The following CACNB2 variants were observed in gnomAD, a reference collection of about 807,000 sequenced individuals.
CACNB2 encodes the protein voltage-dependent L-type calcium channel subunit beta-2.
In CACNB2, 42 loss-of-function variants were observed where a neutral mutation model predicts 73.3. The observed-to-expected ratio is 0.57, with a 90% CI of 0.45 to 0.74. The LOEUF (loss-of-function observed/expected upper bound fraction) is 0.74. Among genes scored for constraint, CACNB2 ranks in the 30% least tolerant of loss-of-function variants. The pLI, the probability that CACNB2 is intolerant of heterozygous loss-of-function variation, is 0.00. For synonymous variants in CACNB2, 348 were observed against 310.3 expected (o/e 1.12, Z -1.28); for missense variants, 940 against 853.0 (o/e 1.10, Z -1.27).
At chr10:18,442,498 T>G (rs753320915) in intron 3 of CACNB2, among the ~76,000 whole-genome samples, 87 of 151,932 alleles carry the variant, frequency 5.7e-4, no homozygotes, top group Non-Finnish European at 1.1e-3. Flanking sequence ...TTACCTTTTT[T>G]TTGTTGTTGT....
At chr10:18,463,723 G>T (rs1303771484) in intron 3 of CACNB2, among the ~76,000 whole-genome samples, 2 of 151,932 alleles carry the variant, frequency 1.3e-5, no homozygotes, top group African/African-American at 4.8e-5. Flanking sequence ...GAGCCACCGT[G>T]CCTGGCCCCA....
intron 2 of CACNB2, among the ~76,000 whole-genome samples, chr10:18,329,943 C>T (rs752156020): frequency 1.3e-5 from 2 of 152,104 alleles, no homozygotes; most frequent in East Asian, 1.9e-4. Context: ...TGGTTTCAAG[C>T]GATTCTTCTG....
chr10:18,157,723 A>G (rs1247490398), intron 2 of CACNB2, among the ~76,000 whole-genome samples: 1 of 152,184 alleles, frequency 6.6e-6, no homozygotes, highest in African/African-American at 2.4e-5. Flanking sequence ...CTTATTGGTT[A>G]TGCTATACTT....
chr10:18,519,675 A>C (rs916145465), intron 9 of CACNB2: 1 of 455,476 alleles, frequency 2.2e-6, no homozygotes, highest in Non-Finnish European at 4.4e-6. Context: ...CATTGACCTC[A>C]TATTGCTCTA....
chr10:18,539,584 G>A lies in CACNB2; in HGVS notation c.1843G>A (p.Glu615Lys). Reference protein sequence around the residue: ...SRHRSRDVDREQDHNECNKQR... With the variant: ...SRHRSRDVDRKQDHNECNKQR... ...GCACCGTTCCCGGGACGTGGATCGA[G>A]AGCAGGACCACAACGAGTGCAACAA... Residue 615 changes from glutamate (E) to lysine (K), a missense_variant, in exon 14 of 14, where the codon GAG becomes AAG. Glu to Lys is a moderately conservative substitution (Grantham distance 56). Coordinates refer to ENST00000324631, the MANE Select transcript of CACNB2 (RefSeq NM_201596.3). The A allele has an allele frequency of 6.2e-7, 1 of 1,613,794 alleles. No individual in the cohort carries two copies. The highest frequency in any genetic ancestry group is 8.5e-7 in the Non-Finnish European group (1 of 1,179,960).
chr10:18,411,506 A>AC (rs2044625643), intron 3 of CACNB2, among the ~76,000 whole-genome samples: 1 of 125,690 alleles, frequency 8.0e-6, no homozygotes, highest in African/African-American at 2.9e-5. Context: ...GTCTTTGAGC[A>AC]TTTTTTTTTT....
At chr10:18,163,481 A>C (rs2032620868) in intron 2 of CACNB2, among the ~76,000 whole-genome samples, 1 of 152,168 alleles carries the variant, frequency 6.6e-6, no homozygotes, top group Non-Finnish European at 1.5e-5. Flanking sequence ...GACCATGGGC[A>C]TGAGGCACTA....
intron 2 of CACNB2, among the ~76,000 whole-genome samples, chr10:18,322,292 T>G (rs1253885354): frequency 6.6e-6 from 1 of 152,210 alleles, no homozygotes; most frequent in Non-Finnish European, 1.5e-5. Context: ...ATAATTAAAA[T>G]GAGCTGAATA....
chr10:18,253,844 A>G (rs2037179818), intron 2 of CACNB2, among the ~76,000 whole-genome samples: 1 of 152,188 alleles, frequency 6.6e-6, no homozygotes, highest in Non-Finnish European at 1.5e-5. Context: ...CGCGAAGACA[A>G]TTGGCTGAAG....
rs2031860983 is a variant in CACNB2 at position 18,154,369 on chromosome 10, TTC to T, written c.213+3395_213+3396del. Among the ~76,000 whole-genome samples the T allele has an allele frequency of 4.6e-5, 7 of 152,020 alleles. No individual in the cohort carries two copies. The South Asian group carries it at 1.5e-3, about 32-fold the overall frequency. ...ATTGTCCTCCTATCCAACCCTCAAA[TTC>T]ATCTTTAGAAGCGCAGACACCCAGT... On this transcript the variant is annotated intron_variant, in intron 2 of 13. Transcript: ENST00000324631.
intron 3 of CACNB2, among the ~76,000 whole-genome samples, chr10:18,435,368 A>G (rs887333575): frequency 5.3e-5 from 8 of 152,304 alleles, no homozygotes; most frequent in African/African-American, 1.9e-4. Flanking sequence ...ACATGAACAG[A>G]AAAATTTCTG....
intron 2 of CACNB2, among the ~76,000 whole-genome samples, chr10:18,247,947 A>G (rs1450706178): frequency 6.6e-6 from 1 of 152,136 alleles, no homozygotes; most frequent in Non-Finnish European, 1.5e-5. Flanking sequence ...ACTGTGTTCT[A>G]ATATGGTGGA....
chr10:18,204,606 G>A (rs991397548), intron 2 of CACNB2, among the ~76,000 whole-genome samples: 1 of 152,178 alleles, frequency 6.6e-6, no homozygotes, highest in Non-Finnish European at 1.5e-5. Context: ...GACATTTTAT[G>A]TGTGGCCTTA....
At chr10:18,411,701 T>C (rs915973683) in intron 3 of CACNB2, among the ~76,000 whole-genome samples, 1 of 151,858 alleles carries the variant, frequency 6.6e-6, no homozygotes, top group African/African-American at 2.4e-5. Flanking sequence ...AGAGATGGGG[T>C]TTTACCATGT....
chr10:18,308,874 A>T (rs2039849740), intron 2 of CACNB2, among the ~76,000 whole-genome samples: 1 of 152,184 alleles, frequency 6.6e-6, no homozygotes, highest in South Asian at 2.1e-4. Context: ...CAGCTCACTG[A>T]TGTGTATTTG....
At chr10:18,369,406 G>A (rs1283719622) in intron 2 of CACNB2, among the ~76,000 whole-genome samples, 1 of 152,018 alleles carries the variant, frequency 6.6e-6, no homozygotes, top group African/African-American at 2.4e-5. Context: ...TCTTTTTAAT[G>A]CATTCACATC....
intron 3 of CACNB2, among the ~76,000 whole-genome samples, chr10:18,411,554 G>T (rs1322694447): frequency 6.7e-6 from 1 of 148,826 alleles, no homozygotes; most frequent in Non-Finnish European, 1.5e-5. Context: ...TGTTGCCCAG[G>T]CTGGAGTGTA....
At chr10:18,221,403 G>C (rs1055064347) in intron 2 of CACNB2, among the ~76,000 whole-genome samples, 2 of 152,146 alleles carry the variant, frequency 1.3e-5, no homozygotes, top group Non-Finnish European at 2.9e-5. Flanking sequence ...AAAGCACCAG[G>C]CATGGTGGCT....
chr10:18,358,539 T>TGGAG (rs2042018999), intron 2 of CACNB2, among the ~76,000 whole-genome samples: 1 of 34,192 alleles, frequency 2.9e-5, no homozygotes, highest in African/African-American at 1.0e-4. Context: ...TCTCTCTCTC[T>TGGAG]CTCTCTCTCT....
Sources: allele counts gnomAD v4.1 joint callset (sites outside exome capture counted in the v4.1 genomes callset), GRCh38; gene constraint gnomAD v4.1.1; transcripts MANE v1.5; gene names NCBI Gene and HGNC (gene_info 2026-07-23, HGNC 2026-07-21).